MGAT4A: variants seen among roughly 807,000 people sequenced by gnomAD.
MGAT4A encodes the protein N-acetylglucosaminyltransferase IVa.
Under a neutral mutation model 74.1 loss-of-function variants are expected in MGAT4A, and 33 were observed. The ratio of observed to expected loss-of-function variants is 0.45; its 90% CI spans 0.34 to 0.60. The LOEUF (loss-of-function observed/expected upper bound fraction) is 0.60. MGAT4A is among the 20% of genes least tolerant of loss of function. The probability of loss-of-function intolerance (pLI) is 0.02; values close to 1 mark genes in which losing one functional copy is unlikely to be tolerated. For missense variants in MGAT4A, 479 were observed against 628.3 expected (o/e 0.76, Z 2.54); for synonymous variants, 198 against 210.4 (o/e 0.94, Z 0.51).
At position 98,694,938 on chromosome 2, in the gene MGAT4A, C is replaced by T. The variant is rs1042735630; in HGVS notation, c.95-16467G>A. Reference sequence around the variant, plus strand: ...AGCAAGAGAGAGATGCAACCCCCCCCTTCCGATCTGCCTGGGGCTGGCTCT... The same window carrying T: ...AGCAAGAGAGAGATGCAACCCCCCCTTTCCGATCTGCCTGGGGCTGGCTCT... On this transcript the variant is annotated intron_variant, in intron 2 of 15. Transcript: ENST00000393487. The T allele has an allele frequency of 4.5e-5, 7 of 154,072 alleles. No individual in the cohort carries two copies. In the East Asian group the frequency reaches 5.8e-4, roughly 13 times the overall value. 9.5% of individuals were successfully genotyped at this position (154,072 alleles called of 1,614,324 possible). A position where few individuals can be genotyped will look rare whatever the true frequency, so the allele number is the denominator to read the frequency against.
intron 14 of MGAT4A, among the ~76,000 whole-genome samples, chr2:98,626,249 C>T (rs537507759): frequency 7.9e-5 from 12 of 152,224 alleles, no homozygotes; most frequent in South Asian, 2.1e-4. Context: ...TAATTAAATA[C>T]GCACACAGTT....
intron 2 of MGAT4A, among the ~76,000 whole-genome samples, chr2:98,700,462 C>T (rs1403225398): frequency 2.0e-5 from 3 of 151,230 alleles, no homozygotes; most frequent in Non-Finnish European, 4.4e-5. Context: ...GTCTCAGAAC[C>T]CCTTTACACT....
intron 2 of MGAT4A, among the ~76,000 whole-genome samples, chr2:98,683,204 G>T (rs900405048): frequency 6.6e-6 from 1 of 152,132 alleles, no homozygotes; most frequent in African/African-American, 2.4e-5. Flanking sequence ...AATGCAAAGC[G>T]CTGTCCTGGA....
chr2:98,666,099 T>TTAGGA (rs1701825895), intron 4 of MGAT4A, among the ~76,000 whole-genome samples: 1 of 152,106 alleles, frequency 6.6e-6, no homozygotes, highest in Non-Finnish European at 1.5e-5. Flanking sequence ...GGAAGAGTGG[T>TTAGGA]TAGGAAGTTA....
intron 2 of MGAT4A, among the ~76,000 whole-genome samples, chr2:98,715,762 G>C (rs1330211003): frequency 6.6e-6 from 1 of 152,074 alleles, no homozygotes; most frequent in Non-Finnish European, 1.5e-5. Context: ...CAACAGATCT[G>C]CACTTGTACC....
intron 2 of MGAT4A, among the ~76,000 whole-genome samples, chr2:98,705,627 T>A (rs1387797094): frequency 6.6e-6 from 1 of 152,204 alleles, no homozygotes; most frequent in Non-Finnish European, 1.5e-5. Context: ...TAGGTGATTG[T>A]GGAGTAGTCC....
intron 10 of MGAT4A, among the ~76,000 whole-genome samples, chr2:98,643,497 G>T (rs1701442442): frequency 6.6e-6 from 1 of 152,102 alleles, no homozygotes; most frequent in Non-Finnish European, 1.5e-5. Context: ...CATTGTTTTG[G>T]TATAAAATAT....
chr2:98,669,164 C>T (rs554171158), intron 4 of MGAT4A, among the ~76,000 whole-genome samples: 14 of 152,138 alleles, frequency 9.2e-5, no homozygotes, highest in South Asian at 4.1e-4. Context: ...GGGCCAGGGG[C>T]GGAATGATAT....
chr2:98,629,946 G>A (rs1701203583), intron 14 of MGAT4A, among the ~76,000 whole-genome samples: 1 of 152,156 alleles, frequency 6.6e-6, no homozygotes, highest in East Asian at 1.9e-4. Context: ...TTGGGAGGCT[G>A]AGGCAGAGAG....
chr2:98,719,314 G>T (rs1702633566), intron 2 of MGAT4A, among the ~76,000 whole-genome samples: 1 of 152,222 alleles, frequency 6.6e-6, no homozygotes, highest in Non-Finnish European at 1.5e-5. Context: ...CAGGGCATTG[G>T]TGTAAACAAT....
In MGAT4A at chr2:98,625,957, C is replaced by T. The variant is rs111360339; in HGVS notation, c.1469-122G>A. On this transcript the variant is annotated intron_variant, in intron 14 of 15. Transcript: ENST00000393487. Reference sequence around the variant, plus strand: ...CTAGTAGATGTCTTTTGACAGGGCACAGGTAATTTCTTTCCCCCTTCTTTC... The same window carrying T: ...CTAGTAGATGTCTTTTGACAGGGCATAGGTAATTTCTTTCCCCCTTCTTTC... The T allele has an allele frequency of 2.0e-3, 1,068 of 531,426 alleles. 10 individuals are homozygous for T. Among genetic ancestry groups the T allele is most frequent in the African/African-American group, 0.018 (963 of 52,444 alleles). The allele number at this position is 531,426 out of a possible 1,614,324, so 32.9% of individuals were successfully genotyped here. A position where few individuals can be genotyped will look rare whatever the true frequency, so the allele number is the denominator to read the frequency against.
At chr2:98,727,006 C>G (rs1702774442) in intron 1 of MGAT4A, 1 of 152,154 alleles carries the variant, frequency 6.6e-6, no homozygotes, top group African/African-American at 2.4e-5. Flanking sequence ...GACCTGGACC[C>G]TTGACCCAGC....
At chr2:98,641,276 T>C (rs1394631449) in intron 10 of MGAT4A, among the ~76,000 whole-genome samples, 3 of 152,094 alleles carry the variant, frequency 2.0e-5, no homozygotes, top group African/African-American at 7.2e-5. Flanking sequence ...ATACCAGCAC[T>C]TTGGGAGGCC....
At chr2:98,688,956 T>C (rs187248238) in intron 2 of MGAT4A, among the ~76,000 whole-genome samples, 60 of 152,320 alleles carry the variant, frequency 3.9e-4, no homozygotes, top group African/African-American at 1.4e-3. Flanking sequence ...ATCTTAAAAC[T>C]TTTTGCTATT....
chr2:98,680,558 G>A (rs2104292425), intron 2 of MGAT4A, among the ~76,000 whole-genome samples: 1 of 152,174 alleles, frequency 6.6e-6, no homozygotes, highest in Non-Finnish European at 1.5e-5. Flanking sequence ...TTCACTACAT[G>A]GAATAACAAA....
At chr2:98,668,093 T>C (rs1430281236) in intron 4 of MGAT4A, among the ~76,000 whole-genome samples, 2 of 152,040 alleles carry the variant, frequency 1.3e-5, no homozygotes, top group Non-Finnish European at 2.9e-5. Context: ...AAAAAGAAAA[T>C]CCCATTTTCT....
intron 2 of MGAT4A, among the ~76,000 whole-genome samples, chr2:98,680,321 G>A (rs1275925061): frequency 2.0e-5 from 3 of 152,176 alleles, no homozygotes; most frequent in Non-Finnish European, 4.4e-5. Context: ...TGGAATTACA[G>A]GCATGAGCCA....
At chr2:98,666,479 G>C (rs1222292325) in intron 4 of MGAT4A, among the ~76,000 whole-genome samples, 3 of 152,132 alleles carry the variant, frequency 2.0e-5, no homozygotes, top group Non-Finnish European at 4.4e-5. Flanking sequence ...GATCGCTTGA[G>C]CCCAGGAGTT....
chr2:98,683,975 G>A (rs62158007), intron 2 of MGAT4A, among the ~76,000 whole-genome samples: 6,937 of 152,178 alleles, frequency 0.046, 217 homozygotes, highest in Non-Finnish European at 0.069. Context: ...TCTCACATCC[G>A]TCCTTTGTTT....
Sources: gnomAD v4.1 joint callset for allele counts (sites outside exome capture counted in the v4.1 genomes callset) on GRCh38, gnomAD v4.1.1 for gene constraint, MANE v1.5 for transcripts, NCBI Gene and HGNC (gene_info 2026-07-23, HGNC 2026-07-21) for gene names.